The following DPP6 variants were observed in gnomAD, a reference collection of about 807,000 sequenced individuals.
DPP6 encodes dipeptidyl peptidase like 6.
Under a neutral mutation model 122.6 loss-of-function variants are expected in DPP6, and 69 were observed. The observed-to-expected ratio is 0.56, with a 90% CI of 0.46 to 0.69. The LOEUF (loss-of-function observed/expected upper bound fraction) is 0.69. DPP6 is among the 30% of genes least tolerant of loss of function. DPP6 has a pLI of 0.00. For missense variants in DPP6, 928 were observed against 1,116.9 expected (o/e 0.83, Z 2.41); for synonymous variants, 418 against 433.1 (o/e 0.97, Z 0.43).
At chr7:154,766,913 C>T (rs73728227) in intron 8 of DPP6, among the ~76,000 whole-genome samples, 2 of 152,166 alleles carry the variant, frequency 1.3e-5, no homozygotes, top group Non-Finnish European at 2.9e-5. Flanking sequence ...CCCTTGCCCC[C>T]CCTTGCCTAG....
At chr7:154,492,759 G>C (rs567091419) in intron 3 of DPP6, among the ~76,000 whole-genome samples, 34 of 152,200 alleles carry the variant, frequency 2.2e-4, no homozygotes, top group Non-Finnish European at 4.0e-4. Flanking sequence ...AAAAGCCTTC[G>C]ATGTGGACCC....
intron 7 of DPP6, among the ~76,000 whole-genome samples, chr7:154,677,482 A>G (rs1382859836): frequency 6.6e-6 from 1 of 152,234 alleles, no homozygotes; most frequent in African/African-American, 2.4e-5. Context: ...TTAAAATTGT[A>G]AAAATCCATG....
At chr7:154,634,819 G>T (rs890715391) in intron 5 of DPP6, among the ~76,000 whole-genome samples, 1 of 152,016 alleles carries the variant, frequency 6.6e-6, no homozygotes, top group East Asian at 1.9e-4. Flanking sequence ...GAATTGCAGG[G>T]GTGTGTAGTG....
At chr7:154,234,963 G>C (rs927969158) in intron 1 of DPP6, among the ~76,000 whole-genome samples, 1 of 152,134 alleles carries the variant, frequency 6.6e-6, no homozygotes, top group African/African-American at 2.4e-5. Flanking sequence ...GACACACAAA[G>C]GACACAGCAG....
intron 1 of DPP6, among the ~76,000 whole-genome samples, chr7:153,997,592 A>AACACACACACACACAC (rs1797501102): frequency 8.0e-5 from 2 of 25,116 alleles, no homozygotes; most frequent in Admixed American, 4.2e-4. Flanking sequence ...ATGAGTGCAC[A>AACACACACACACACAC]GCACACACAC....
intron 1 of DPP6, among the ~76,000 whole-genome samples, chr7:154,388,579 T>C (rs1814324954): frequency 6.6e-6 from 1 of 151,974 alleles, no homozygotes; most frequent in South Asian, 2.1e-4. Flanking sequence ...CCAGAGATAA[T>C]GAGTGCATTA....
intron 1 of DPP6, among the ~76,000 whole-genome samples, chr7:154,173,933 C>T (rs559729632): frequency 6.6e-6 from 1 of 152,316 alleles, no homozygotes; most frequent in Admixed American, 6.5e-5. Flanking sequence ...CAGCTAGTTC[C>T]TGGGCACCTG....
chr7:153,837,996 A>G, the DPP6 span, among the ~76,000 whole-genome samples: 1 of 151,744 alleles, frequency 6.6e-6, no homozygotes, highest in South Asian at 2.1e-4. Context: ...AAAGTCCACT[A>G]CCTGTGTCTC....
At chr7:154,619,446 A>G (rs912619850) in intron 5 of DPP6, among the ~76,000 whole-genome samples, 5 of 152,254 alleles carry the variant, frequency 3.3e-5, no homozygotes, top group African/African-American at 1.2e-4. Context: ...AATGAAAAGA[A>G]TGTTTGCTCA....
chr7:154,669,381 A>G lies in DPP6; in HGVS notation c.702A>G (p.Pro234=). Residue 234 remains proline, a synonymous_variant, in exon 7 of 26, where the codon CCA becomes CCG. Transcript: ENST00000377770. ...TCAGGGATCCTCAAAGTCTGGACCC[A>G]CCAGAAGTCAGCAATGCAAAACTTC... The part of the protein sequence containing the change: ...IPHGDPQSLD[P]PEVSNAKLQY... 1 of 1,555,706 alleles carries G rather than the reference A, an allele frequency of 6.4e-7. No individual in the cohort carries two copies. The highest frequency in any genetic ancestry group is 8.7e-7 in the Non-Finnish European group (1 of 1,148,874).
At chr7:153,931,239 A>G (rs1463574439) in intron 1 of DPP6, among the ~76,000 whole-genome samples, 1 of 152,208 alleles carries the variant, frequency 6.6e-6, no homozygotes, top group Admixed American at 6.5e-5. Flanking sequence ...GGCTAGAACT[A>G]TAAGATCATG....
chr7:154,368,619 T>C (rs752270667), intron 1 of DPP6, among the ~76,000 whole-genome samples: 2 of 152,224 alleles, frequency 1.3e-5, no homozygotes, highest in Non-Finnish European at 2.9e-5. Flanking sequence ...TTTTAGTAGT[T>C]GTATTTCCAT....
intron 1 of DPP6, among the ~76,000 whole-genome samples, chr7:154,338,927 T>C (rs1257956731): frequency 6.6e-6 from 1 of 152,188 alleles, no homozygotes; most frequent in African/African-American, 2.4e-5. Flanking sequence ...CCGTTTCTCT[T>C]ACGGAGCAGC....
intron 1 of DPP6, among the ~76,000 whole-genome samples, chr7:153,926,139 T>G (rs1466801219): frequency 6.6e-6 from 1 of 152,218 alleles, no homozygotes; most frequent in African/African-American, 2.4e-5. Context: ...CTAAGGTAGT[T>G]GACATTCCCA....
intron 6 of DPP6, among the ~76,000 whole-genome samples, 191 bp from the exon 7 acceptor site, chr7:154,669,167 TTA>T (rs1299916189): frequency 2.6e-5 from 4 of 152,232 alleles, no homozygotes; most frequent in Non-Finnish European, 5.9e-5. Context: ...TTCATATAAA[TTA>T]TATACATCTG....
chr7:154,575,344 T>TG (rs1831520677), intron 5 of DPP6, among the ~76,000 whole-genome samples: 6 of 59,996 alleles, frequency 1.0e-4, no homozygotes, highest in Non-Finnish European at 9.4e-5. Flanking sequence ...GGTGTGTGTA[T>TG]GTGTGTGTGG....
At chr7:154,461,554 G>A (rs1038636807) in intron 2 of DPP6, among the ~76,000 whole-genome samples, 30 of 152,236 alleles carry the variant, frequency 2.0e-4, no homozygotes, top group African/African-American at 7.2e-4. Flanking sequence ...TTGGATATGA[G>A]CCTTTTTAAC....
Position 154,061,691 on chromosome 7 carries a change from C to T in DPP6, c.243+8628C>T, listed in dbSNP as rs1161016627. ...TTCCCCCCCTGGCTCTTGGGACCAC[C>T]ATCGCAGGGGGGGAGGCAATCCCCG... On this transcript the variant is annotated intron_variant, in intron 1 of 25. Coordinates refer to ENST00000377770, the MANE Select transcript of DPP6 (RefSeq NM_130797.4). Among the ~76,000 whole-genome samples the T allele has an allele frequency of 2.6e-4, 22 of 86,130 alleles. 2 individuals carry two copies. The highest frequency in any genetic ancestry group is 7.8e-4 in the Admixed American group (7 of 9,008). 56.5% of individuals were successfully genotyped at this position (86,130 alleles called of 152,430 possible). A position where few individuals can be genotyped will look rare whatever the true frequency, so the allele number is the denominator to read the frequency against.
At chr7:154,470,923 AG>A (rs1822209599) in intron 2 of DPP6, among the ~76,000 whole-genome samples, 1 of 152,176 alleles carries the variant, frequency 6.6e-6, no homozygotes, top group South Asian at 2.1e-4. Context: ...TGATGGCAAA[AG>A]CATGTGGAAG....
Sources: allele counts gnomAD v4.1 joint callset (sites outside exome capture counted in the v4.1 genomes callset), GRCh38; gene constraint gnomAD v4.1.1; transcripts MANE v1.5; gene names NCBI Gene and HGNC (gene_info 2026-07-23, HGNC 2026-07-21).